TBC1D8: variants seen among roughly 807,000 people sequenced by gnomAD.
The protein encoded by TBC1D8 is BUB2-like protein 1.
TBC1D8 carries 65 observed loss-of-function variants against 118.8 expected under a neutral mutation model. That is an observed-to-expected ratio of 0.55 (90% CI 0.45 to 0.67). The LOEUF is 0.67. Among genes scored for constraint, TBC1D8 ranks in the 30% least tolerant of loss-of-function variants. The pLI, the probability that TBC1D8 is intolerant of heterozygous loss-of-function variation, is 0.00. For missense variants in TBC1D8, 1,376 were observed against 1,471.2 expected (o/e 0.94, Z 1.06); for synonymous variants, 566 against 595.8 (o/e 0.95, Z 0.73).
chr2:101,007,966 A>G lies in TBC1D8; in HGVS notation c.3323T>C (p.Leu1108Pro). ...AAAGTTGACTAATGACTGTTCAGTC[A>G]GAAGTGAAGCTAAAATATGTTCAAG... ...VSLEHILASL[L>P]TEQSLVNFFE... The change falls in exon 20 of 20, where the codon CTG (leucine) becomes CCG (proline). Residue 1108 changes from leucine (L) to proline (P), a missense_variant. Transcript: ENST00000409318. 3 of 1,614,072 alleles carry G rather than the reference A, an allele frequency of 1.9e-6. No individual in the cohort carries two copies. Among genetic ancestry groups the G allele is most frequent in the Non-Finnish European group, 2.5e-6 (3 of 1,179,904 alleles).
At chr2:101,086,003 G>A (rs775779030) in intron 2 of TBC1D8, among the ~76,000 whole-genome samples, 20 of 152,166 alleles carry the variant, frequency 1.3e-4, no homozygotes, top group Middle Eastern at 3.4e-3. Context: ...TTAGCTGGGC[G>A]TGGTGGCGGG....
chr2:101,071,323 C>T (rs947571901), intron 2 of TBC1D8, among the ~76,000 whole-genome samples: 4 of 151,756 alleles, frequency 2.6e-5, no homozygotes, highest in African/African-American at 9.7e-5. Context: ...CCAGCCAGGG[C>T]GACACAGCGA....
At chr2:101,054,385 G>C in intron 3 of TBC1D8, 49 bp from the exon 4 acceptor site, 1 of 1,539,372 alleles carries the variant, frequency 6.5e-7, no homozygotes, top group South Asian at 1.2e-5. Flanking sequence ...GCAATGGGAA[G>C]GCAGGGGGTG....
intron 5 of TBC1D8, among the ~76,000 whole-genome samples, chr2:101,047,635 T>C (rs1374916114): frequency 6.6e-6 from 1 of 152,220 alleles, no homozygotes; most frequent in Non-Finnish European, 1.5e-5. Flanking sequence ...AGAAAGCTGC[T>C]GAACCTGCAG....
At chr2:101,073,575 G>A (rs934880316) in intron 2 of TBC1D8, among the ~76,000 whole-genome samples, 12 of 152,102 alleles carry the variant, frequency 7.9e-5, no homozygotes, top group Middle Eastern at 3.2e-3. Context: ...ATTTACAGGC[G>A]TGAGCCACCA....
intron 2 of TBC1D8, among the ~76,000 whole-genome samples, chr2:101,081,829 C>G (rs117450647): frequency 6.6e-6 from 1 of 152,168 alleles, no homozygotes; most frequent in Non-Finnish European, 1.5e-5. Context: ...ACTCAATGCA[C>G]AGGGCCATGA....
rs374186528 is a variant in TBC1D8 at position 101,140,022 on chromosome 2, T to C, written c.127+11105A>G. 6.6e-5 allele frequency among the ~76,000 whole-genome samples: 10 copies of C among 152,342 alleles called. No homozygotes were observed. In the East Asian group the frequency reaches 1.2e-3, roughly 18 times the overall value. ...TTCTTTCTGCTGCTTTATCTACAAG[T>C]AATTTCATTGATTTAACCAACATAT... On this transcript the variant is annotated intron_variant, in intron 1 of 19. Transcript: ENST00000409318.
chr2:101,140,894 T>A (rs1461656917), intron 1 of TBC1D8, among the ~76,000 whole-genome samples: 1 of 151,970 alleles, frequency 6.6e-6, no homozygotes, highest in African/African-American at 2.4e-5. Flanking sequence ...CCAGAGTAGC[T>A]GGGATTACAG....
At chr2:101,067,566 C>T (rs980117318) in intron 2 of TBC1D8, among the ~76,000 whole-genome samples, 8 of 152,204 alleles carry the variant, frequency 5.3e-5, no homozygotes, top group African/African-American at 1.7e-4. Context: ...GAAAGCATTA[C>T]GTCTTCTAAA....
chr2:101,092,231 C>T (rs1001187626), intron 1 of TBC1D8, among the ~76,000 whole-genome samples: 1 of 152,182 alleles, frequency 6.6e-6, no homozygotes, highest in African/African-American at 2.4e-5. Context: ...TGTAGCATGT[C>T]CCAAAGTCTG....
At chr2:101,028,167 A>G in intron 13 of TBC1D8, 21 bp from the exon 14 acceptor site, 1 of 1,613,054 alleles carries the variant, frequency 6.2e-7, no homozygotes, top group Non-Finnish European at 8.5e-7. Context: ...AAAAGGGACC[A>G]CTTGCTCAGT....
intron 2 of TBC1D8, chr2:101,068,484 C>A: frequency 2.6e-6 from 1 of 379,202 alleles, no homozygotes; most frequent in South Asian, 2.8e-5. Context: ...GAAGTTCTTC[C>A]AAAACAAAGG....
chr2:101,068,243 T>G (rs1683123684), intron 2 of TBC1D8: 1 of 173,462 alleles, frequency 5.8e-6, no homozygotes, highest in Non-Finnish European at 1.2e-5. Context: ...GAATCACAAA[T>G]GTGCCTCAGG....
At chr2:101,132,663 A>G (rs1201737658) in intron 1 of TBC1D8, among the ~76,000 whole-genome samples, 1 of 152,138 alleles carries the variant, frequency 6.6e-6, no homozygotes, top group East Asian at 1.9e-4. Flanking sequence ...AACACAGTTC[A>G]CTGCAGCCTC....
rs143915768 is a variant in TBC1D8 at position 101,041,352 on chromosome 2, T to TA, written c.873-968dup. On this transcript the variant is annotated intron_variant, in intron 5 of 19. Transcript: ENST00000409318. ...CATACAATCAAATATTGTTCAGCCA[T>TA]AAAAAAGGAATGAAGTACTGATGAG... 2.9e-3 allele frequency among the ~76,000 whole-genome samples: 435 copies of TA among 152,268 alleles called. 17 individuals carry two copies. The East Asian group carries it at 0.072, about 25-fold the overall frequency.
intron 1 of TBC1D8, among the ~76,000 whole-genome samples, chr2:101,103,834 C>G (rs1194367933): frequency 6.6e-6 from 1 of 151,822 alleles, no homozygotes; most frequent in Non-Finnish European, 1.5e-5. Flanking sequence ...TATTCAACAT[C>G]AGAGTTAATG....
chr2:101,097,399 A>C (rs1390137016), intron 1 of TBC1D8, among the ~76,000 whole-genome samples: 32 of 152,192 alleles, frequency 2.1e-4, no homozygotes, highest in Admixed American at 2.1e-3. Context: ...AGGTAAAATA[A>C]AATATTTTAT....
rs1169828957 is a variant in TBC1D8, at chr2:101,008,244, CAG to C, written c.3043_3044del (p.Leu1015ValfsTer6). The C allele has an allele frequency of 1.3e-6, 2 of 1,559,124 alleles. No individual in the cohort carries two copies. The highest frequency in any genetic ancestry group is 1.9e-5 in the Admixed American group (1 of 52,356). ...QREFIQFCKT[L>X]YSMFHEDPEE... The stretch of plus-strand genomic sequence containing the variant: ...CTGGATCTTCATGGAACATACTGTA[CAG>C]AGTTTTACAGAACTGGATAAATTCT... On this transcript the variant is annotated frameshift_variant, in exon 20 of 20. Coordinates refer to ENST00000409318, the MANE Select transcript of TBC1D8 (RefSeq NM_001330348.2). LOFTEE classifies it low-confidence loss of function (END_TRUNC).
intron 2 of TBC1D8, among the ~76,000 whole-genome samples, chr2:101,071,913 A>G (rs1015182958): frequency 6.6e-6 from 1 of 152,266 alleles, no homozygotes; most frequent in African/African-American, 2.4e-5. Flanking sequence ...CAGATGAATC[A>G]GAGGAATCAC....
Sources: gnomAD v4.1 joint callset for allele counts (sites outside exome capture counted in the v4.1 genomes callset) on GRCh38, gnomAD v4.1.1 for gene constraint, MANE v1.5 for transcripts, NCBI Gene and HGNC (gene_info 2026-07-23, HGNC 2026-07-21) for gene names.